GPC5: variants seen among roughly 807,000 people sequenced by gnomAD.
The protein encoded by GPC5 is glypican 5.
In GPC5, 47 loss-of-function variants were observed where a neutral mutation model predicts 53.9. That is an observed-to-expected ratio of 0.87 (90% CI 0.69 to 1.11). The LOEUF is 1.11. GPC5 is among the 50% of genes most tolerant of loss of function. The probability of loss-of-function intolerance (pLI) is 0.00; values close to 1 mark genes in which losing one functional copy is unlikely to be tolerated. For synonymous variants in GPC5, 286 were observed against 263.3 expected (o/e 1.09, Z -0.84); for missense variants, 748 against 713.1 (o/e 1.05, Z -0.56).
At chr13:91,699,824 AC>A in intron 3 of GPC5, among the ~76,000 whole-genome samples, 1 of 152,310 alleles carries the variant, frequency 6.6e-6, no homozygotes, top group African/African-American at 2.4e-5. Flanking sequence ...GTTTTCACCC[AC>A]CGACTTCTGG....
chr13:92,074,871 G>C (rs2041240308), intron 6 of GPC5, among the ~76,000 whole-genome samples: 2 of 152,176 alleles, frequency 1.3e-5, no homozygotes, highest in Admixed American at 1.3e-4. Flanking sequence ...TGCTGGTGCA[G>C]CAGCAACTTC....
At chr13:92,352,563 T>A (rs901250660) in intron 7 of GPC5, among the ~76,000 whole-genome samples, 1 of 152,184 alleles carries the variant, frequency 6.6e-6, no homozygotes, top group Non-Finnish European at 1.5e-5. Flanking sequence ...AGTAGATATT[T>A]TGCAGAAATA....
chr13:91,571,867 GTATATA>G (rs755038276), intron 2 of GPC5, among the ~76,000 whole-genome samples: 2 of 102,940 alleles, frequency 1.9e-5, no homozygotes, highest in South Asian at 3.2e-4. Flanking sequence ...ATACGTGTGT[GTATATA>G]TACACACATA....
At chr13:91,886,829 C>T (rs191131498) in intron 5 of GPC5, among the ~76,000 whole-genome samples, 253 of 152,344 alleles carry the variant, frequency 1.7e-3, no homozygotes, top group African/African-American at 5.9e-3. Context: ...AGCTCTCCCC[C>T]TGTGGGTTTG....
intron 2 of GPC5, among the ~76,000 whole-genome samples, chr13:91,692,665 A>G (rs1239790615): frequency 6.6e-6 from 1 of 152,188 alleles, no homozygotes; most frequent in African/African-American, 2.4e-5. Context: ...TAATTTTGAG[A>G]CAGAGTCTCA....
At chr13:91,646,484 TC>T (rs1398526724) in intron 2 of GPC5, among the ~76,000 whole-genome samples, 2 of 151,886 alleles carry the variant, frequency 1.3e-5, no homozygotes, top group African/African-American at 4.8e-5. Flanking sequence ...TAGATACCTA[TC>T]CAAAATTGTT....
intron 7 of GPC5, among the ~76,000 whole-genome samples, chr13:92,239,571 A>T (rs2042594730): frequency 6.6e-6 from 1 of 151,996 alleles, no homozygotes; most frequent in Admixed American, 6.6e-5. Context: ...TTGTCCTTGA[A>T]ATTAGTCATA....
At chr13:92,263,240 CAT>C (rs528060044) in intron 7 of GPC5, among the ~76,000 whole-genome samples, 17 of 152,164 alleles carry the variant, frequency 1.1e-4, no homozygotes, top group African/African-American at 4.1e-4. Context: ...ATGTGTAAAT[CAT>C]GTGAATAAAA....
At chr13:92,518,494 T>C (rs1880885221) in intron 7 of GPC5, among the ~76,000 whole-genome samples, 1 of 152,120 alleles carries the variant, frequency 6.6e-6, no homozygotes, top group Admixed American at 6.6e-5. Flanking sequence ...AAGAAAAGAA[T>C]TTTCAACCCA....
chr13:91,498,702 G>C (rs980591967), intron 2 of GPC5, among the ~76,000 whole-genome samples: 2 of 152,176 alleles, frequency 1.3e-5, no homozygotes, highest in African/African-American at 2.4e-5. Context: ...AGGGGAGCCA[G>C]TTAGAAAGCT....
intron 2 of GPC5, 133 bp downstream of exon 2, chr13:91,449,055 A>G: frequency 9.9e-7 from 1 of 1,011,084 alleles, no homozygotes; most frequent in Non-Finnish European, 1.4e-6. Flanking sequence ...ATGAGGTTTT[A>G]ACTTTTTCTA....
intron 7 of GPC5, among the ~76,000 whole-genome samples, chr13:92,410,508 G>A (rs1384526658): frequency 6.6e-6 from 1 of 152,118 alleles, no homozygotes; most frequent in African/African-American, 2.4e-5. Flanking sequence ...TATGTTGAAA[G>A]CATTGCACAG....
chr13:92,036,171 G>T (rs997943718), intron 6 of GPC5, among the ~76,000 whole-genome samples: 4 of 152,144 alleles, frequency 2.6e-5, no homozygotes, highest in African/African-American at 4.8e-5. Context: ...ATCAAGCAGG[G>T]TTTTCTCATC....
chr13:92,627,100 A>C (rs1885069703), intron 7 of GPC5, among the ~76,000 whole-genome samples: 1 of 152,184 alleles, frequency 6.6e-6, no homozygotes, highest in African/African-American at 2.4e-5. Context: ...TTTCCTTCTT[A>C]CTAAGTCACA....
chr13:92,679,589 GCAGA>G (rs1224423808), intron 7 of GPC5, among the ~76,000 whole-genome samples: 1 of 152,140 alleles, frequency 6.6e-6, no homozygotes, highest in African/African-American at 2.4e-5. Flanking sequence ...CTTTCAGAGA[GCAGA>G]CAGATTTTAC....
At chr13:91,493,243 G>A (rs566127735) in intron 2 of GPC5, among the ~76,000 whole-genome samples, 3 of 152,202 alleles carry the variant, frequency 2.0e-5, no homozygotes, top group Admixed American at 1.3e-4. Context: ...GTATATATTT[G>A]TTGGGTACAT....
intron 7 of GPC5, among the ~76,000 whole-genome samples, chr13:92,455,945 A>G (rs545195688): frequency 6.6e-6 from 1 of 152,322 alleles, no homozygotes; most frequent in South Asian, 2.1e-4. Flanking sequence ...ATTAAAATGC[A>G]GACTTTGAAC....
At chr13:92,215,868 C>T (rs773559635) in intron 7 of GPC5, among the ~76,000 whole-genome samples, 21 of 152,158 alleles carry the variant, frequency 1.4e-4, no homozygotes, top group Non-Finnish European at 1.6e-4. Flanking sequence ...CCCTGCTTAG[C>T]CAGGACAGCA....
chr13:92,503,457 G>T (rs1159417074), intron 7 of GPC5, among the ~76,000 whole-genome samples: 1 of 151,516 alleles, frequency 6.6e-6, no homozygotes, highest in Non-Finnish European at 1.5e-5. Flanking sequence ...AGCTTGACAT[G>T]AATAAGCTTG....
Sources: gnomAD v4.1 joint callset for allele counts (sites outside exome capture counted in the v4.1 genomes callset) on GRCh38, gnomAD v4.1.1 for gene constraint, MANE v1.5 for transcripts, NCBI Gene and HGNC (gene_info 2026-07-23, HGNC 2026-07-21) for gene names.